Variants in APOL2 observed in about 807,000 individuals in gnomAD.
APOL2 encodes the protein apolipoprotein L2.
A neutral mutation model predicts 7.1 loss-of-function variants in APOL2; 8 were observed. The ratio of observed to expected loss-of-function variants is 1.12; its 90% CI spans 0.66 to 2.03. The LOEUF is 2.03. Among genes scored for constraint, APOL2 ranks in the 30% most tolerant of loss-of-function variants. The pLI, the probability that APOL2 is intolerant of heterozygous loss-of-function variation, is 0.00. For synonymous variants in APOL2, 177 were observed against 159.9 expected, an observed-to-expected ratio of 1.11 and a Z score of -0.81; for missense variants, 471 against 415.1, an observed-to-expected ratio of 1.13 and a Z score of -1.17.
At position 36,231,415 on chromosome 22, in the gene APOL2, C is replaced by T; in HGVS notation, c.62G>A (p.Ser21Asn). 6.2e-7 allele frequency: 1 copy of T among 1,614,180 alleles called. No individual in the cohort carries two copies. Among genetic ancestry groups the T allele is most frequent in the Non-Finnish European group, 8.5e-7 (1 of 1,179,978 alleles). Reference protein sequence around the residue: ...DYLKYFQDQVSRENLLQLLTD... With the variant: ...DYLKYFQDQVNRENLLQLLTD... Reference sequence around the variant, plus strand: ...CAGCAGTTGTAGCAGATTCTCTCTGCTCACTTGGTCCTGGAAATACTTAAG... The same window carrying T: ...CAGCAGTTGTAGCAGATTCTCTCTGTTCACTTGGTCCTGGAAATACTTAAG... Residue 21 changes from serine (S) to asparagine (N), a missense_variant, in exon 4 of 5, where the codon AGC becomes AAC. Transcript: ENST00000358502.
chr22:36,237,202 A>G (rs1232420809), intron 1 of APOL2: 4 of 1,424,246 alleles, frequency 2.8e-6, no homozygotes, highest in South Asian at 1.5e-5. Flanking sequence ...CACAGTGTGT[A>G]CTCCATGGGT....
intron 1 of APOL2, among the ~76,000 whole-genome samples, chr22:36,236,159 T>G (rs2015398404): frequency 6.6e-6 from 1 of 152,152 alleles, no homozygotes; most frequent in South Asian, 2.1e-4. Flanking sequence ...ATTTAAAACA[T>G]CACAAAATGT....
At chr22:36,233,286 T>C (rs750348171) in intron 2 of APOL2, 45 bp from the exon 3 acceptor site, 1 of 1,601,888 alleles carries the variant, frequency 6.2e-7, no homozygotes, top group Non-Finnish European at 8.6e-7. Context: ...GTGAGCCTCC[T>C]GTGTACAGAG....
intron 1 of APOL2, among the ~76,000 whole-genome samples, chr22:36,235,914 G>T (rs1252556933): frequency 1.3e-5 from 2 of 152,092 alleles, no homozygotes; most frequent in Admixed American, 6.5e-5. Flanking sequence ...CATGCAGTAG[G>T]CCTACAAAAC....
chr22:36,236,471 G>T, intron 1 of APOL2: 1 of 778,020 alleles, frequency 1.3e-6, no homozygotes, highest in Non-Finnish European at 1.6e-6. Flanking sequence ...GGAGAGGAGA[G>T]ATAGAGGGAG....
chr22:36,237,156 T>C, intron 1 of APOL2: 2 of 1,519,410 alleles, frequency 1.3e-6, no homozygotes, highest in Non-Finnish European at 1.8e-6. Context: ...CTGCTGGGGG[T>C]TGAGGCTGGA....
chr22:36,238,255 T>C (rs1281610565), intron 1 of APOL2, among the ~76,000 whole-genome samples: 1 of 152,240 alleles, frequency 6.6e-6, no homozygotes, highest in Non-Finnish European at 1.5e-5. Flanking sequence ...AACCAGCCTC[T>C]GGATGACATG....
chr22:36,227,732 C>T lies in APOL2; in HGVS notation c.686G>A (p.Arg229Gln), dbSNP rs769647688. 23 of 1,614,086 alleles carry T rather than the reference C, an allele frequency of 1.4e-5. No individual in the cohort carries two copies. Among genetic ancestry groups the T allele is most frequent in the Admixed American group, 8.3e-5 (5 of 60,008 alleles). ...TCCTAACTGAGGGTTGGCTCTGGCTCGTCTGATGGCACGGATGTTCCTCCC... is the reference window on the plus strand; with the variant it reads ...TCCTAACTGAGGGTTGGCTCTGGCTTGTCTGATGGCACGGATGTTCCTCCC... The part of the protein sequence containing the change: ...GIGRNIRAIR[R>Q]ARANPQLGAY... The change falls in exon 5 of 5, where the codon CGA becomes CAA. Residue 229 changes from arginine (R) to glutamine (Q), a missense_variant. By Grantham distance (43) the Arg-to-Gln change is conservative. Coordinates refer to ENST00000358502, the MANE Select transcript of APOL2 (RefSeq NM_030882.4).
chr22:36,239,158 C>T (rs2015514838), intron 1 of APOL2: 8 of 1,227,964 alleles, frequency 6.5e-6, no homozygotes, highest in South Asian at 2.7e-5. Context: ...GTCAGCTGGC[C>T]GTGTCTGAGG....
chr22:36,234,687 G>A (rs1266335710), intron 1 of APOL2, among the ~76,000 whole-genome samples: 2 of 152,198 alleles, frequency 1.3e-5, no homozygotes, highest in Non-Finnish European at 2.9e-5. Flanking sequence ...GGCACTTACA[G>A]GTATAATGGC....
At chr22:36,236,486 C>CTACA in intron 1 of APOL2, 1 of 894,650 alleles carries the variant, frequency 1.1e-6, no homozygotes, top group African/African-American at 1.8e-5. Context: ...AGGGAGTGTA[C>CTACA]AAACAAGATG....
At position 36,227,228 on chromosome 22, in the gene APOL2, A is replaced by C; in HGVS notation, c.*176T>G. 1.5e-6 allele frequency: 1 copy of C among 683,700 alleles called. No individual in the cohort carries two copies. The highest frequency in any genetic ancestry group is 2.2e-6 in the Non-Finnish European group (1 of 448,586). The allele number at this position is 683,700 out of a possible 1,614,324, so 42.4% of individuals were successfully genotyped here. A position where few individuals can be genotyped will look rare whatever the true frequency, so the allele number is the denominator to read the frequency against. ...CTACTCGGGAGACTGAGGCCGGAGAATGGTGTGAACCCGGGAGGCGGAGTT... is the reference window on the plus strand; with the variant it reads ...CTACTCGGGAGACTGAGGCCGGAGACTGGTGTGAACCCGGGAGGCGGAGTT... On this transcript the variant is annotated 3_prime_UTR_variant, in exon 5 of 5. Coordinates refer to ENST00000358502, the MANE Select transcript of APOL2 (RefSeq NM_030882.4).
rs372881690 is a variant in APOL2 at position 36,228,037 on chromosome 22, A to C, written c.381T>G (p.Ser127=). ...CCAGGCCGAGGAGGGTCAGGATGCC[A>C]GAGGTAGTGCCAACAGAGTTGGACA... The part of the protein sequence containing the change: ...NVVSNSVGTT[S]GILTLLGLGL... The change falls in exon 5 of 5, where the codon TCT becomes TCG. Residue 127 remains serine (S), a synonymous_variant. Coordinates refer to ENST00000358502, the MANE Select transcript of APOL2 (RefSeq NM_030882.4). 1.4e-5 allele frequency: 22 copies of C among 1,614,258 alleles called. No homozygotes were observed. Among genetic ancestry groups the C allele is most frequent in the Non-Finnish European group, 1.7e-5 (20 of 1,180,038 alleles).
Position 36,231,425 on chromosome 22 carries a change from C to T in APOL2, c.52G>A (p.Asp18Asn). The change falls in exon 4 of 5, where the codon GAC becomes AAC. Residue 18 changes from aspartate (D) to asparagine (N), a missense_variant. Asp to Asn is a conservative substitution (Grantham distance 23). Transcript: ENST00000358502. Reference sequence around the variant, plus strand: ...AGCAGATTCTCTCTGCTCACTTGGTCCTGGAAATACTTAAGGTAATCCTCA... The same window carrying T: ...AGCAGATTCTCTCTGCTCACTTGGTTCTGGAAATACTTAAGGTAATCCTCA... ...FIEDYLKYFQ[D>N]QVSRENLLQL... is the part of the protein sequence containing the mutation. The T allele has an allele frequency of 6.2e-7, 1 of 1,614,124 alleles. No homozygotes were observed. Among genetic ancestry groups the T allele is most frequent in the Non-Finnish European group, 8.5e-7 (1 of 1,179,968 alleles).
At chr22:36,239,167 G>C (rs1440518723) in intron 1 of APOL2, 7 of 1,242,874 alleles carry the variant, frequency 5.6e-6, no homozygotes, top group South Asian at 2.6e-5. Context: ...CCGTGTCTGA[G>C]GGTGTCAGAA....
In APOL2 at chr22:36,227,481, G is replaced by C. The variant is rs766254565; in HGVS notation, c.937C>G (p.Arg313Gly). The C allele has an allele frequency of 6.2e-6, 10 of 1,614,120 alleles. No homozygotes were observed. Among genetic ancestry groups the C allele is most frequent in the Non-Finnish European group, 8.5e-6 (10 of 1,180,004 alleles). ...KSESAEELKK[R>G]AQELEGKLNF... Reference sequence around the variant, plus strand: ...AGCTTCCCCTCCAGCTCCTGAGCCCGCTTCTTCAGCTCCTCAGCTGACTCT... The same window carrying C: ...AGCTTCCCCTCCAGCTCCTGAGCCCCCTTCTTCAGCTCCTCAGCTGACTCT... The change falls in exon 5 of 5, where the codon CGG becomes GGG. Residue 313 changes from arginine to glycine, a missense_variant. By Grantham distance (125) the Arg-to-Gly change is moderately radical. Coordinates refer to ENST00000358502, the MANE Select transcript of APOL2 (RefSeq NM_030882.4).
In APOL2 at chr22:36,237,697, C is replaced by A. The variant is rs550272645; in HGVS notation, c.-134+1744G>T. Among the ~76,000 whole-genome samples, 4 of 152,256 alleles carry A rather than the reference C, an allele frequency of 2.6e-5. No homozygotes were observed. The East Asian group carries it at 7.7e-4, about 29-fold the overall frequency. ...ACAGCACTGAATTACAGGCCTCAGC[C>A]GTGGCACTGCACCCTTCTGAGGAAT... On this transcript the variant is annotated intron_variant, in intron 1 of 4. Coordinates refer to ENST00000358502, the MANE Select transcript of APOL2 (RefSeq NM_030882.4).
Position 36,227,157 on chromosome 22 carries a change from T to C in APOL2, c.*247A>G, listed in dbSNP as rs1275230950. 5.3e-6 allele frequency: 2 copies of C among 378,894 alleles called. No homozygotes were observed. Among genetic ancestry groups the C allele is most frequent in the Non-Finnish European group, 9.3e-6 (2 of 214,424 alleles). The allele number at this position is 378,894 out of a possible 1,614,324, so 23.5% of individuals were successfully genotyped here. ...AGTGAAACCCCGTCTCCAGTGAAAATACAAAAAAATTAGCCGGGCGTGGTG... is the reference window on the plus strand; with the variant it reads ...AGTGAAACCCCGTCTCCAGTGAAAACACAAAAAAATTAGCCGGGCGTGGTG... On this transcript the variant is annotated 3_prime_UTR_variant, in exon 5 of 5. Transcript: ENST00000358502.
intron 1 of APOL2, 95 bp downstream of exon 1, chr22:36,239,346 C>G: frequency 7.1e-7 from 1 of 1,402,798 alleles, no homozygotes; most frequent in South Asian, 1.4e-5. Flanking sequence ...TACCTAACCT[C>G]TCTGAGCTTA....
Sources: gnomAD v4.1 joint callset for allele counts (sites outside exome capture counted in the v4.1 genomes callset) on GRCh38, gnomAD v4.1.1 for gene constraint, MANE v1.5 for transcripts, NCBI Gene and HGNC (gene_info 2026-07-23, HGNC 2026-07-21) for gene names.